The following TSPAN7 variants were observed in gnomAD, a reference collection of about 807,000 sequenced individuals.
TSPAN7 encodes tetraspanin-7.
Under a neutral mutation model 17.6 loss-of-function variants are expected in TSPAN7, and 1 was observed. The ratio of observed to expected loss-of-function variants is 0.06; its 90% CI spans 0.02 to 0.27. The LOEUF (loss-of-function observed/expected upper bound fraction) is 0.27, where lower values mean the gene tolerates loss of function less well. Ranked by LOEUF, TSPAN7 falls within the 10% of genes least tolerant of loss-of-function variation. The probability of loss-of-function intolerance (pLI) is 1.00; values close to 1 mark genes in which losing one functional copy is unlikely to be tolerated. For missense variants in TSPAN7, 112 were observed against 201.7 expected (o/e 0.56, Z 2.69); for synonymous variants, 78 against 79.0 (o/e 0.99, Z 0.07).
At chrX:38,564,583 C>G (rs2069132042) in intron 1 of TSPAN7, among the ~76,000 whole-genome samples, 1 of 112,236 alleles carries the variant, frequency 8.9e-6, no homozygotes, top group Non-Finnish European at 1.9e-5. Flanking sequence ...CAAAGCAAAG[C>G]ACTCCTTCCC....
chrX:38,679,476 C>A (rs1031209606), intron 5 of TSPAN7, among the ~76,000 whole-genome samples: 1 of 111,684 alleles, frequency 9.0e-6, no homozygotes, highest in African/African-American at 3.3e-5. Flanking sequence ...CTTTCTAACA[C>A]AAATTCTTCT....
At chrX:38,635,812 C>T (rs1385635993) in intron 1 of TSPAN7, among the ~76,000 whole-genome samples, 1 of 111,302 alleles carries the variant, frequency 9.0e-6, no homozygotes, top group Non-Finnish European at 1.9e-5. Flanking sequence ...AGGACTCAAA[C>T]GCAACTCTGT....
At chrX:38,631,189 C>A (rs933270502) in intron 1 of TSPAN7, among the ~76,000 whole-genome samples, 2 of 90,552 alleles carry the variant, frequency 2.2e-5, no homozygotes, top group Non-Finnish European at 4.6e-5. Flanking sequence ...GGTCTCGGTG[C>A]ATTTTATGGC....
At chrX:38,614,118 C>A (rs1446508619) in intron 1 of TSPAN7, among the ~76,000 whole-genome samples, 1 of 110,600 alleles carries the variant, frequency 9.0e-6, no homozygotes, top group Non-Finnish European at 1.9e-5. Flanking sequence ...AAAACAATTC[C>A]TTTACGTGTT....
intron 1 of TSPAN7, among the ~76,000 whole-genome samples, chrX:38,661,800 A>ACT (rs1284257583): frequency 1.8e-5 from 2 of 108,526 alleles, no homozygotes; most frequent in African/African-American, 6.7e-5. Context: ...CTCCGAACTT[A>ACT]CTCATTGCAC....
intron 1 of TSPAN7, among the ~76,000 whole-genome samples, chrX:38,597,559 T>C (rs1436334704): frequency 9.0e-6 from 1 of 111,545 alleles, no homozygotes; most frequent in Non-Finnish European, 1.9e-5. Flanking sequence ...ATATGTTAAG[T>C]ACAGTGTCTT....
chrX:38,562,351 C>T (rs1416800587), intron 1 of TSPAN7, among the ~76,000 whole-genome samples: 1 of 111,761 alleles, frequency 8.9e-6, no homozygotes, highest in African/African-American at 3.3e-5. Context: ...GGTTCTGTCA[C>T]TGCATGAGCA....
chrX:38,639,568 G>T (rs2147434294), intron 1 of TSPAN7, among the ~76,000 whole-genome samples: 1 of 104,498 alleles, frequency 9.6e-6, no homozygotes, highest in African/African-American at 3.5e-5. Context: ...GGTGAGAAGT[G>T]ATTTCCTGCT....
chrX:38,609,660 TTAAAG>T (rs1206139649), intron 1 of TSPAN7, among the ~76,000 whole-genome samples: 2 of 108,347 alleles, frequency 1.8e-5, no homozygotes, highest in African/African-American at 6.7e-5. Context: ...ATGTATATAA[TTAAAG>T]TAAGAAAAAT....
rs948207146 is a variant in TSPAN7, at chrX:38,607,678, A to G, written c.81+46051A>G. 4.5e-5 allele frequency among the ~76,000 whole-genome samples: 5 copies of G among 111,230 alleles called. No individual in the cohort carries two copies. In the South Asian group the frequency reaches 1.2e-3, roughly 26 times the overall value. ...AAGCCACTTTCAACTCTAATTTTCTATAATTCTGTGATTTCATATTCTGAC... is the reference window on the plus strand; with the variant it reads ...AAGCCACTTTCAACTCTAATTTTCTGTAATTCTGTGATTTCATATTCTGAC... On this transcript the variant is annotated intron_variant, in intron 1 of 7. Coordinates refer to ENST00000378482, the MANE Select transcript of TSPAN7 (RefSeq NM_004615.4).
rs1569313276 is a variant in TSPAN7 at position 38,659,033 on chromosome X, CACACA to C, written c.82-7087_82-7083del. On this transcript the variant is annotated intron_variant, in intron 1 of 7. Coordinates refer to ENST00000378482, the MANE Select transcript of TSPAN7 (RefSeq NM_004615.4). ...ACACACACACACACACACACACACA[CACACA>C]CCCACAGACGTACACATGTATACAT... is the stretch of plus-strand genomic sequence containing the variant. Among the ~76,000 whole-genome samples the C allele has an allele frequency of 7.0e-4, 64 of 91,972 alleles. 1 individual carries two copies. Among genetic ancestry groups the C allele is most frequent in the African/African-American group, 2.4e-3 (60 of 24,859 alleles). 79.9% of individuals were successfully genotyped at this position (91,972 alleles called of 115,157 possible). A position where few individuals can be genotyped will look rare whatever the true frequency, so the allele number is the denominator to read the frequency against.
intron 1 of TSPAN7, among the ~76,000 whole-genome samples, chrX:38,608,700 T>C (rs2069400028): frequency 9.0e-6 from 1 of 111,646 alleles, no homozygotes; most frequent in Admixed American, 9.6e-5. Flanking sequence ...AATTAAAAAT[T>C]ACTGCCTGAA....
At chrX:38,612,907 T>C (rs2069428886) in intron 1 of TSPAN7, among the ~76,000 whole-genome samples, 1 of 112,066 alleles carries the variant, frequency 8.9e-6, no homozygotes, top group Non-Finnish European at 1.9e-5. Flanking sequence ...GGATCTGAAA[T>C]GTCACACTAA....
intron 1 of TSPAN7, chrX:38,566,322 G>A (rs1039626501): frequency 2.1e-6 from 2 of 953,938 alleles, no homozygotes; most frequent in Non-Finnish European, 2.7e-6. Flanking sequence ...TTATTTTCAG[G>A]TCTATAGAAG....
intron 1 of TSPAN7, among the ~76,000 whole-genome samples, chrX:38,663,857 A>G (rs1203988744): frequency 1.8e-5 from 2 of 112,460 alleles, no homozygotes; most frequent in Non-Finnish European, 3.8e-5. Flanking sequence ...CTTGATTAGC[A>G]GTATACATTT....
intron 1 of TSPAN7, among the ~76,000 whole-genome samples, chrX:38,606,343 CATT>C (rs2069383088): frequency 8.9e-6 from 1 of 111,939 alleles, no homozygotes; most frequent in African/African-American, 3.2e-5. Flanking sequence ...ATTCTTAAGA[CATT>C]AATATATTTT....
chrX:38,593,205 A>G (rs2069301875), intron 1 of TSPAN7, among the ~76,000 whole-genome samples: 1 of 109,542 alleles, frequency 9.1e-6, no homozygotes. Flanking sequence ...ATTTTTAGCA[A>G]TTTTTTAATA....
chrX:38,601,455 T>C (rs1039970291), intron 1 of TSPAN7, among the ~76,000 whole-genome samples: 5 of 111,846 alleles, frequency 4.5e-5, no homozygotes, highest in African/African-American at 1.6e-4. Flanking sequence ...TTTAAAACCT[T>C]GTAAAATTTA....
chrX:38,652,232 CCAGGGAGATAATTGGCTAG>C (rs1167320937), intron 1 of TSPAN7, among the ~76,000 whole-genome samples: 3 of 111,986 alleles, frequency 2.7e-5, no homozygotes, highest in Non-Finnish European at 5.6e-5. Context: ...GTATGAAAAT[CCAGGGAGATAATTGGCTAG>C]CAAAGGCTAG....
Sources: allele counts gnomAD v4.1 joint callset (sites outside exome capture counted in the v4.1 genomes callset), GRCh38; gene constraint gnomAD v4.1.1; transcripts MANE v1.5; gene names NCBI Gene and HGNC (gene_info 2026-07-23, HGNC 2026-07-21).